PIK3CB: variants seen among roughly 807,000 people sequenced by gnomAD.
PIK3CB encodes phosphatidylinositol 4,5-bisphosphate 3-kinase catalytic subunit beta isoform.
In PIK3CB, 39 loss-of-function variants were observed where a neutral mutation model predicts 136.8. The observed-to-expected ratio is 0.29, with a 90% CI of 0.22 to 0.37. The LOEUF (loss-of-function observed/expected upper bound fraction) is 0.37, where lower values mean the gene tolerates loss of function less well. Among genes scored for constraint, PIK3CB ranks in the 10% least tolerant of loss-of-function variants. The probability of loss-of-function intolerance (pLI) is 1.00; values close to 1 mark genes in which losing one functional copy is unlikely to be tolerated. For synonymous variants in PIK3CB, 428 were observed against 436.6 expected (o/e 0.98, Z 0.25); for missense variants, 868 against 1,275.4 (o/e 0.68, Z 4.87).
intron 2 of PIK3CB, among the ~76,000 whole-genome samples, chr3:138,788,079 C>T (rs574884045): frequency 2.9e-4 from 44 of 152,140 alleles, no homozygotes; most frequent in African/African-American, 1.0e-3. Context: ...TGCACCACCA[C>T]ACCTGGCTAG....
intron 19 of PIK3CB, among the ~76,000 whole-genome samples, chr3:138,679,357 T>C (rs1430709707): frequency 6.6e-6 from 1 of 152,124 alleles, no homozygotes; most frequent in Non-Finnish European, 1.5e-5. Context: ...GCTAGGGTCT[T>C]GCTCTGTTGC....
At chr3:138,834,295 T>C (rs950006134) in intron 1 of PIK3CB, among the ~76,000 whole-genome samples, 1 of 152,258 alleles carries the variant, frequency 6.6e-6, no homozygotes, top group Non-Finnish European at 1.5e-5. Context: ...AATACACTTC[T>C]GCGCAAAAAG....
chr3:138,730,666 T>G (rs574930820), intron 8 of PIK3CB, among the ~76,000 whole-genome samples: 2 of 152,334 alleles, frequency 1.3e-5, no homozygotes, highest in East Asian at 3.9e-4. Context: ...CTTGTGCCTG[T>G]AATCCCAGTG....
chr3:138,828,954 ATT>A (rs34176247), intron 1 of PIK3CB, among the ~76,000 whole-genome samples: 43,369 of 130,574 alleles, frequency 0.33, 7,117 homozygotes, highest in Middle Eastern at 0.44. Flanking sequence ...CACCAGGCTA[ATT>A]TTTTTTTTTT....
chr3:138,669,642 C>A (rs2043492723), intron 19 of PIK3CB, among the ~76,000 whole-genome samples: 1 of 152,022 alleles, frequency 6.6e-6, no homozygotes, highest in Non-Finnish European at 1.5e-5. Context: ...TCAGGGAGTC[C>A]TAACACATCA....
Position 138,821,372 on chromosome 3 carries a change from C to T in PIK3CB, c.-122+13323G>A, listed in dbSNP as rs1387214973. Reference sequence around the variant, plus strand: ...GTAATCCCAGCACTTTGGGAGGCTGCGGCGGGTGGCTCACCTGAGGTCAGG... The same window carrying T: ...GTAATCCCAGCACTTTGGGAGGCTGTGGCGGGTGGCTCACCTGAGGTCAGG... On this transcript the variant is annotated intron_variant, in intron 1 of 23. Transcript: ENST00000674063. Among the ~76,000 whole-genome samples, 16 of 150,464 alleles carry T rather than the reference C, an allele frequency of 1.1e-4. No individual in the cohort carries two copies. In the East Asian group the frequency reaches 1.6e-3, roughly 15 times the overall value.
At chr3:138,707,339 G>C in intron 10 of PIK3CB, 50 bp from the exon 11 acceptor site, 1 of 1,553,986 alleles carries the variant, frequency 6.4e-7, no homozygotes, top group Non-Finnish European at 8.7e-7. Flanking sequence ...TTAAAACTAG[G>C]CTTTAAAAAA....
At chr3:138,722,707 C>G (rs1201012226) in intron 8 of PIK3CB, among the ~76,000 whole-genome samples, 1 of 149,372 alleles carries the variant, frequency 6.7e-6, no homozygotes, top group Non-Finnish European at 1.5e-5. Context: ...AAAAAAAAAC[C>G]CAAAAAACCC....
At chr3:138,723,455 G>A (rs2044770849) in intron 8 of PIK3CB, among the ~76,000 whole-genome samples, 2 of 152,120 alleles carry the variant, frequency 1.3e-5, no homozygotes, top group African/African-American at 4.8e-5. Context: ...GGAGGCTGAG[G>A]TGGAAGGATC....
rs558830256 is a variant in PIK3CB at position 138,673,353 on chromosome 3, G to A, written c.2505-8150C>T. ...AAAAAGAAATAAAAGAAATACACAC[G>A]CACAGATTGTACTGCAGACAAAGGC... is the stretch of plus-strand genomic sequence containing the variant. On this transcript the variant is annotated intron_variant, in intron 19 of 23. Coordinates refer to ENST00000674063, the MANE Select transcript of PIK3CB (RefSeq NM_006219.3). Among the ~76,000 whole-genome samples the A allele has an allele frequency of 9.2e-5, 14 of 152,090 alleles. No individual in the cohort carries two copies. The South Asian group carries it at 1.2e-3, about 14-fold the overall frequency.
intron 4 of PIK3CB, among the ~76,000 whole-genome samples, chr3:138,747,905 A>G (rs1016216326): frequency 6.6e-5 from 10 of 152,160 alleles, no homozygotes; most frequent in African/African-American, 2.4e-4. Context: ...ACAATTATAT[A>G]TGACAACTTT....
intron 14 of PIK3CB, among the ~76,000 whole-genome samples, chr3:138,694,351 T>C (rs560156119): frequency 6.6e-6 from 1 of 152,278 alleles, no homozygotes; most frequent in Non-Finnish European, 1.5e-5. Context: ...AGACTTGTAT[T>C]ATCACAACTC....
At chr3:138,756,334 C>T (rs754204425) in intron 3 of PIK3CB, among the ~76,000 whole-genome samples, 1 of 151,962 alleles carries the variant, frequency 6.6e-6, no homozygotes, top group Non-Finnish European at 1.5e-5. Flanking sequence ...AATGAAATTA[C>T]TAAAAGCAAA....
chr3:138,819,605 A>G (rs1359953322), intron 1 of PIK3CB, among the ~76,000 whole-genome samples: 1 of 152,212 alleles, frequency 6.6e-6, no homozygotes, highest in Non-Finnish European at 1.5e-5. Context: ...TTTTTAAACA[A>G]TACTGATGCC....
intron 1 of PIK3CB, among the ~76,000 whole-genome samples, chr3:138,809,959 A>T (rs1368643270): frequency 6.6e-6 from 1 of 152,142 alleles, no homozygotes; most frequent in Non-Finnish European, 1.5e-5. Flanking sequence ...TAAGAAATAC[A>T]CAAAGTAAGC....
At chr3:138,733,782 G>T (rs1490176127) in intron 7 of PIK3CB, among the ~76,000 whole-genome samples, 3 of 152,140 alleles carry the variant, frequency 2.0e-5, no homozygotes, top group African/African-American at 7.2e-5. Flanking sequence ...GGAGGCTGAG[G>T]CAGGAGAATG....
intron 4 of PIK3CB, among the ~76,000 whole-genome samples, chr3:138,753,117 T>G (rs1369387443): frequency 6.6e-6 from 1 of 152,120 alleles, no homozygotes; most frequent in Non-Finnish European, 1.5e-5. Flanking sequence ...CTCAGGAAGC[T>G]GAGGTGGGAG....
intron 8 of PIK3CB, among the ~76,000 whole-genome samples, chr3:138,719,013 T>C (rs2044670383): frequency 6.6e-6 from 1 of 152,196 alleles, no homozygotes. Flanking sequence ...AAGCAATCTT[T>C]CTTTAAGTCC....
chr3:138,783,798 GATAA>G (rs762909697), intron 2 of PIK3CB, among the ~76,000 whole-genome samples: 23 of 152,058 alleles, frequency 1.5e-4, no homozygotes, highest in Non-Finnish European at 2.9e-4. Flanking sequence ...ATGTCAAACA[GATAA>G]ATAAAAAATG....
Sources: allele counts gnomAD v4.1 joint callset (sites outside exome capture counted in the v4.1 genomes callset), GRCh38; gene constraint gnomAD v4.1.1; transcripts MANE v1.5; gene names NCBI Gene and HGNC (gene_info 2026-07-23, HGNC 2026-07-21).